WRN: variants seen among roughly 807,000 people sequenced by gnomAD.
The protein encoded by WRN is WRN RecQ like helicase.
Under a neutral mutation model 180.7 loss-of-function variants are expected in WRN, and 149 were observed. That is an observed-to-expected ratio of 0.82 (90% CI 0.72 to 0.94). The LOEUF (loss-of-function observed/expected upper bound fraction) is 0.94, where lower values mean the gene tolerates loss of function less well. Ranked by LOEUF, WRN falls within the 40% of genes least tolerant of loss-of-function variation. The probability of loss-of-function intolerance (pLI) is 0.00; values close to 1 mark genes in which losing one functional copy is unlikely to be tolerated. For synonymous variants in WRN, 548 were observed against 568.9 expected (o/e 0.96, Z 0.52); for missense variants, 1,661 against 1,700.1 (o/e 0.98, Z 0.40).
intron 8 of WRN, among the ~76,000 whole-genome samples, chr8:31,076,928 C>G (rs1813115525): frequency 6.6e-6 from 1 of 152,132 alleles, no homozygotes; most frequent in African/African-American, 2.4e-5. Context: ...CTTGTCCTGG[C>G]CTTAATTGCA....
chr8:31,162,877 A>G (rs963493423), intron 33 of WRN, among the ~76,000 whole-genome samples: 3 of 151,230 alleles, frequency 2.0e-5, no homozygotes, highest in Non-Finnish European at 4.4e-5. Flanking sequence ...GTGGTGGCAA[A>G]TATGATGATG....
Position 31,081,054 on chromosome 8 carries a change from G to A in WRN, c.1027G>A (p.Glu343Lys), listed in dbSNP as rs11574222. The A allele has an allele frequency of 1.3e-4, 207 of 1,614,036 alleles. 1 individual carries two copies. The African/African-American group carries it at 2.3e-3, about 18-fold the overall frequency. Residue 343 changes from glutamate to lysine, a missense_variant, in exon 9 of 35, where the codon GAA (glutamate) becomes AAA (lysine). Glu to Lys is a moderately conservative substitution (Grantham distance 56). Coordinates refer to ENST00000298139, the MANE Select transcript of WRN (RefSeq NM_000553.6). ...AGAACATGAAGTTTTAATTCACGTT[G>A]AAGATGAAACATGGGACCCAACACT... ...IREHEVLIHV[E>K]DETWDPTLDH... is the part of the protein sequence containing the mutation.
intron 17 of WRN, 109 bp downstream of exon 17, chr8:31,096,959 A>C (rs1235053179): frequency 1.1e-5 from 11 of 1,026,108 alleles, no homozygotes; most frequent in Non-Finnish European, 1.3e-5. Flanking sequence ...TTCAAACATT[A>C]CTTCCTCCAG....
chr8:31,069,630 C>T (rs1812833560), intron 7 of WRN, among the ~76,000 whole-genome samples: 2 of 152,120 alleles, frequency 1.3e-5, no homozygotes, highest in Non-Finnish European at 2.9e-5. Flanking sequence ...AGATTATATG[C>T]AAATATTGCA....
In WRN at chr8:31,091,389, T is replaced by A. The variant is rs1316052133; in HGVS notation, c.1830-441T>A. Among the ~76,000 whole-genome samples the A allele has an allele frequency of 2.0e-5, 3 of 152,108 alleles. No individual in the cohort carries two copies. In the East Asian group the frequency reaches 5.8e-4, roughly 29 times the overall value. On this transcript the variant is annotated intron_variant, in intron 15 of 34. Coordinates refer to ENST00000298139, the MANE Select transcript of WRN (RefSeq NM_000553.6). ...GTACTGTAGTATTTTGATACACTCA[T>A]ATCAAATACACTTGATCAAATCAGG... is the stretch of plus-strand genomic sequence containing the variant.
At chr8:31,074,742 G>T (rs1813036796) in intron 7 of WRN, among the ~76,000 whole-genome samples, 1 of 152,112 alleles carries the variant, frequency 6.6e-6, no homozygotes. Flanking sequence ...AGGGAGGGAA[G>T]AGCAAAGGAG....
chr8:31,106,314 G>C (rs930993764), intron 18 of WRN, among the ~76,000 whole-genome samples: 1 of 151,804 alleles, frequency 6.6e-6, no homozygotes, highest in Admixed American at 6.6e-5. Context: ...CGTCCAGAGT[G>C]ATACTTTAAA....
rs1460464302 is a variant in WRN at position 31,167,154 on chromosome 8, G to A, written c.4115G>A (p.Arg1372Lys). Reference protein sequence around the residue: ...GLQPSCDVNKRRCFPGSEEIC... With the variant: ...GLQPSCDVNKKRCFPGSEEIC... ...CAACCTTCATGTGATGTCAACAAAA[G>A]GAGATGTTTTCCCGGTTCTGAAGAG... Residue 1372 changes from arginine to lysine, a missense_variant, in exon 34 of 35, where the codon AGG becomes AAG. This residue lies in a region of WRN where 1,141 missense variants were observed against 1,149.4 expected (regional missense o/e 0.99). Transcript: ENST00000298139. 6.2e-7 allele frequency: 1 copy of A among 1,613,292 alleles called. No individual in the cohort carries two copies. The highest frequency in any genetic ancestry group is 2.2e-5 in the East Asian group (1 of 44,844).
At position 31,094,223 on chromosome 8, in the gene WRN, C is replaced by T. The variant is rs140098093; in HGVS notation, c.1898+2325C>T. 6.6e-4 allele frequency among the ~76,000 whole-genome samples: 100 copies of T among 152,228 alleles called. 1 individual carries two copies. Among genetic ancestry groups the T allele is most frequent in the Non-Finnish European group, 1.1e-3 (75 of 68,008 alleles). ...TACCATTTTAATCATTACTAAAGTC[C>T]AGTGGGTTTTGGTATAGTAATAATA... is the stretch of plus-strand genomic sequence containing the variant. On this transcript the variant is annotated intron_variant, in intron 16 of 34. Coordinates refer to ENST00000298139, the MANE Select transcript of WRN (RefSeq NM_000553.6).
Position 31,173,013 on chromosome 8 carries a change from A to G in WRN, c.4210A>G (p.Lys1404Glu). 6.2e-7 allele frequency: 1 copy of G among 1,613,958 alleles called. No individual in the cohort carries two copies. Among genetic ancestry groups the G allele is most frequent in the Non-Finnish European group, 8.5e-7 (1 of 1,179,942 alleles). Residue 1404 changes from lysine to glutamate, a missense_variant, in exon 35 of 35, where the codon AAG becomes GAG. Coordinates refer to ENST00000298139, the MANE Select transcript of WRN (RefSeq NM_000553.6). Reference protein sequence around the residue: ...INTETSSAERKRRLPVWFAKG... With the variant: ...INTETSSAERERRLPVWFAKG... ...CCTACAGACTTCATCTGCAGAGAGA[A>G]AGAGACGATTACCTGTGTGGTTTGC...
intron 17 of WRN, among the ~76,000 whole-genome samples, chr8:31,099,921 A>G (rs1181956900): frequency 6.6e-6 from 1 of 152,180 alleles, no homozygotes; most frequent in Non-Finnish European, 1.5e-5. Flanking sequence ...AAGCTTAAGT[A>G]ACTTGCTTAA....
intron 31 of WRN, 139 bp downstream of exon 31, chr8:31,150,594 T>G: frequency 2.7e-6 from 2 of 741,182 alleles, no homozygotes; most frequent in East Asian, 5.4e-5. Context: ...TTAAAATTGT[T>G]TTTACAGTCA....
rs753878041 is a variant in WRN at position 31,111,760 on chromosome 8, A to C, written c.2234A>C (p.Asn745Thr). The change falls in exon 19 of 35, where the codon AAT (asparagine) becomes ACT (threonine). Residue 745 changes from asparagine (N) to threonine (T), a missense_variant. Physicochemically the swap from Asn to Thr is moderately conservative, Grantham distance 65. This residue lies in a region of WRN where 1,141 missense variants were observed against 1,149.4 expected (regional missense o/e 0.99). Transcript: ENST00000298139. The stretch of plus-strand genomic sequence containing the variant: ...TTAGAAGTTAGGCGAAAAACAGGGA[A>C]TATCCTTCAGGATCTGCAGCCATTT... ...LYLEVRRKTG[N>T]ILQDLQPFLV... 37 of 1,613,946 alleles carry C rather than the reference A, an allele frequency of 2.3e-5. No homozygotes were observed. The highest frequency in any genetic ancestry group is 1.6e-4 in the Middle Eastern group (1 of 6,078).
At chr8:31,117,091 A>G (rs577282117) in intron 20 of WRN, among the ~76,000 whole-genome samples, 1 of 152,338 alleles carries the variant, frequency 6.6e-6, no homozygotes, top group African/African-American at 2.4e-5. Flanking sequence ...GCAAAGAAGC[A>G]GTCTGGGCTT....
chr8:31,132,449 G>A lies in WRN; in HGVS notation c.2910G>A (p.Val970=), dbSNP rs2130377194. Reference sequence around the variant, plus strand: ...AAGCATTTAAGCTTTTGTCTGCTGTGGACATCTTAGGCGAAAAATTTGGAA... The same window carrying A: ...AAGCATTTAAGCTTTTGTCTGCTGTAGACATCTTAGGCGAAAAATTTGGAA... The part of the protein sequence containing the change: ...GPQAFKLLSA[V]DILGEKFGIG... Residue 970 remains valine, a synonymous_variant, in exon 24 of 35, where the codon GTG becomes GTA. Coordinates refer to ENST00000298139, the MANE Select transcript of WRN (RefSeq NM_000553.6). 6.2e-7 allele frequency: 1 copy of A among 1,614,092 alleles called. No individual in the cohort carries two copies. The highest frequency in any genetic ancestry group is 8.5e-7 in the Non-Finnish European group (1 of 1,180,008).
rs1225450393 is a variant in WRN, at chr8:31,124,586, A to G, written c.2695A>G (p.Met899Val). The G allele has an allele frequency of 6.2e-7, 1 of 1,612,810 alleles. No homozygotes were observed. Among genetic ancestry groups the G allele is most frequent in the East Asian group, 2.2e-5 (1 of 44,740 alleles). Residue 899 changes from methionine (M) to valine (V), a missense_variant, in exon 22 of 35, where the codon ATG (methionine) becomes GTG (valine). Met to Val is a conservative substitution (Grantham distance 21). Coordinates refer to ENST00000298139, the MANE Select transcript of WRN (RefSeq NM_000553.6). ...ATACAAATTAAAGATGATGGCAAAG[A>G]TGGAAAAATATCTTCATTCTAGCAG... is the stretch of plus-strand genomic sequence containing the variant. ...RLYKLKMMAKMEKYLHSSRCR... is the reference protein window; with the variant it reads ...RLYKLKMMAKVEKYLHSSRCR...
intron 3 of WRN, among the ~76,000 whole-genome samples, chr8:31,060,742 C>T (rs142418551): frequency 4.5e-4 from 68 of 152,222 alleles, no homozygotes; most frequent in African/African-American, 1.4e-3. Flanking sequence ...TTAACTCTAC[C>T]ATTTTACCTT....
At chr8:31,062,014 T>C (rs1001793275) in intron 3 of WRN, among the ~76,000 whole-genome samples, 1 of 152,156 alleles carries the variant, frequency 6.6e-6, no homozygotes, top group Non-Finnish European at 1.5e-5. Flanking sequence ...CTTCCAGGGC[T>C]CTGAACTCTG....
intron 18 of WRN, among the ~76,000 whole-genome samples, chr8:31,101,735 C>T (rs1296061684): frequency 2.9e-5 from 4 of 136,404 alleles, no homozygotes; most frequent in Admixed American, 8.4e-5. Flanking sequence ...TGCAGTGAGC[C>T]GAGATTGTGC....
Sources: gnomAD v4.1 joint callset for allele counts (sites outside exome capture counted in the v4.1 genomes callset) on GRCh38, gnomAD v4.1.1 for gene constraint, gnomAD v4.1.1 regional missense constraint, MANE v1.5 for transcripts, NCBI Gene and HGNC (gene_info 2026-07-23, HGNC 2026-07-21) for gene names.